NLRP7: variants seen among roughly 807,000 people sequenced by gnomAD.
NLRP7 encodes the protein NACHT, LRR and PYD domains-containing protein 7.
NLRP7 carries 72 observed loss-of-function variants against 85.5 expected under a neutral mutation model. The observed-to-expected ratio is 0.84, with a 90% CI of 0.70 to 1.02. NLRP7 has a LOEUF of 1.02. Among genes scored for constraint, NLRP7 ranks in the 50% least tolerant of loss-of-function variants. The pLI is 0.00. For synonymous variants in NLRP7, 550 were observed against 505.2 expected, an observed-to-expected ratio of 1.09 and a Z score of -1.19; for missense variants, 1,243 against 1,219.5, an observed-to-expected ratio of 1.02 and a Z score of -0.29.
At chr19:54,949,447 T>C (rs1444742093), upstream of NLRP7, among the ~76,000 whole-genome samples, 1 of 151,976 alleles carries the variant, frequency 6.6e-6, no homozygotes, top group Non-Finnish European at 1.5e-5. Flanking sequence ...AAATAAATTA[T>C]ATTCTAGCTG....
chr19:54,955,811 C>T (rs1363086392), intron 1 of NLRP7, among the ~76,000 whole-genome samples: 1 of 151,858 alleles, frequency 6.6e-6, no homozygotes, highest in Non-Finnish European at 1.5e-5. Flanking sequence ...CCTCAACCTC[C>T]TGGGTTCAAG....
chr19:54,943,568 T>C, intron 1 of NLRP7, among the ~76,000 whole-genome samples: 1 of 122,364 alleles, frequency 8.2e-6, no homozygotes, highest in South Asian at 3.0e-4. Flanking sequence ...GCCACCGCAC[T>C]CCAGCCTGGG....
At chr19:54,944,166 G>A (rs963567057) in intron 1 of NLRP7, among the ~76,000 whole-genome samples, 4 of 151,994 alleles carry the variant, frequency 2.6e-5, no homozygotes, top group African/African-American at 9.7e-5. Flanking sequence ...GTGCTGAAGA[G>A]GATTAGTATA....
In NLRP7 at chr19:54,930,475, A is replaced by C. The variant is rs370766115; in HGVS notation, c.2810+24T>G. 4.5e-6 allele frequency: 7 copies of C among 1,548,672 alleles called. No individual in the cohort carries two copies. In the African/African-American group the frequency reaches 5.4e-5, roughly 12 times the overall value. On this transcript the variant is annotated intron_variant, in intron 9 of 9. Coordinates refer to ENST00000340844, the Ensembl canonical transcript of NLRP7. The stretch of plus-strand genomic sequence containing the variant: ...AGACCCTGTCTCAAAAAAAGAAAGA[A>C]AGAAGAAAAAGAAAATCGCCTACCG...
intron 1 of NLRP7, among the ~76,000 whole-genome samples, chr19:54,960,440 G>A (rs2070002660): frequency 6.6e-6 from 1 of 151,636 alleles, no homozygotes; most frequent in African/African-American, 2.4e-5. Context: ...ACAGCCTTAA[G>A]CCACCGCGCT....
intron 1 of NLRP7, among the ~76,000 whole-genome samples, chr19:54,961,692 G>A (rs1366762292): frequency 6.6e-6 from 1 of 150,812 alleles, no homozygotes; most frequent in African/African-American, 2.4e-5. Flanking sequence ...CTGGCATGGT[G>A]GCAGGTGCCT....
chr19:54,935,632 G>C (rs1483410640), intron 6 of NLRP7, among the ~76,000 whole-genome samples: 1 of 151,240 alleles, frequency 6.6e-6, no homozygotes, highest in Non-Finnish European at 1.5e-5. Context: ...GGCGGAGGTT[G>C]CAGTGAACGA....
At chr19:54,937,431 C>A (rs1602157924) in intron 5 of NLRP7, among the ~76,000 whole-genome samples, 1 of 151,856 alleles carries the variant, frequency 6.6e-6, no homozygotes, top group South Asian at 2.1e-4. Context: ...GTGGCTCATG[C>A]CTGTAATCCC....
chr19:54,964,219 T>C (rs1272936331), intron 1 of NLRP7, among the ~76,000 whole-genome samples: 2 of 130,514 alleles, frequency 1.5e-5, no homozygotes, highest in Non-Finnish European at 3.3e-5. Context: ...GTGTTTTTTT[T>C]TTTTTTTTTT....
At chr19:54,950,322 C>G (rs1018166458), upstream of NLRP7, among the ~76,000 whole-genome samples, 4 of 152,096 alleles carry the variant, frequency 2.6e-5, no homozygotes, top group African/African-American at 9.7e-5. Context: ...GTGGGCATTT[C>G]TCGTTAGGTG....
At chr19:54,950,874 G>A (rs1006644990), upstream of NLRP7, among the ~76,000 whole-genome samples, 2 of 152,184 alleles carry the variant, frequency 1.3e-5, no homozygotes, top group Non-Finnish European at 2.9e-5. Context: ...CCCTTCCCAT[G>A]AGACCATATT....
At chr19:54,944,248 G>C (rs188592541) in intron 1 of NLRP7, among the ~76,000 whole-genome samples, 4 of 151,942 alleles carry the variant, frequency 2.6e-5, no homozygotes, top group Admixed American at 6.6e-5. Flanking sequence ...GGAATGTCTC[G>C]GTGTAAAACC....
chr19:54,939,910 G>A, exon 4 of NLRP7: 1 of 1,614,110 alleles, frequency 6.2e-7, no homozygotes, highest in Non-Finnish European at 8.5e-7. Flanking sequence ...TCAGTGCCCT[G>A]GGCCGCGTGG....
chr19:54,947,974 G>A (rs1602210494), upstream of NLRP7: 1 of 235,754 alleles, frequency 4.2e-6, no homozygotes, highest in Non-Finnish European at 8.5e-6. Flanking sequence ...GGTGCCTCCT[G>A]CCTATAAATC....
intron 1 of NLRP7, among the ~76,000 whole-genome samples, chr19:54,956,144 GAGGGAAGGAGGGAAGGAGGGA>G (rs959014240): frequency 2.2e-5 from 3 of 136,856 alleles, no homozygotes; most frequent in African/African-American, 3.6e-5. Context: ...AGGAAGGAAG[GAGGGAAGGAGGGAAGGAGGGA>G]AGGGAAGGAG....
Position 54,934,420 on chromosome 19 carries a change from A to C in NLRP7, c.2471+69T>G. On this transcript the variant is annotated intron_variant, in intron 7 of 9. Coordinates refer to ENST00000340844, the Ensembl canonical transcript of NLRP7. The surrounding 1 kb of genome is among the most constrained non-coding windows in gnomAD (Gnocchi z 6.7). ...CGCCACGTGGGTGGCGCAGTAAGTC[A>C]GGTGTTACCCTTTCTCTTCTATAGC... 1 of 1,516,362 alleles carries C rather than the reference A, an allele frequency of 6.6e-7. No individual in the cohort carries two copies. Among genetic ancestry groups the C allele is most frequent in the Non-Finnish European group, 9.2e-7 (1 of 1,090,828 alleles). 93.9% of individuals were successfully genotyped at this position (1,516,362 alleles called of 1,614,324 possible). A position where few individuals can be genotyped will look rare whatever the true frequency, so the allele number is the denominator to read the frequency against.
chr19:54,963,810 C>T (rs1310632264), intron 1 of NLRP7, among the ~76,000 whole-genome samples: 1 of 150,086 alleles, frequency 6.7e-6, no homozygotes, highest in South Asian at 2.1e-4. Context: ...GGCGACAGTG[C>T]CAGACTCAGT....
Position 54,939,577 on chromosome 19 carries a change from C to T in NLRP7, c.1242G>A (p.Thr414=), listed in dbSNP as rs751935141. ...GGCCCTGCGCGGCCAGGAGGCTCAGCGTCCGCAGCGCGCCCCGCAGCTGTG... is the reference window on the plus strand; with the variant it reads ...GGCCCTGCGCGGCCAGGAGGCTCAGTGTCCGCAGCGCGCCCCGCAGCTGTG... Residue 414 remains threonine, a synonymous_variant, in exon 4 of 10, where the codon ACG becomes ACA. Transcript: ENST00000340844. The T allele has an allele frequency of 1.6e-5, 26 of 1,611,750 alleles. No homozygotes were observed. In the Admixed American group the frequency reaches 4.0e-4, roughly 25 times the overall value.
chr19:54,938,581 C>A (rs919143702), intron 4 of NLRP7, among the ~76,000 whole-genome samples: 22 of 152,110 alleles, frequency 1.4e-4, no homozygotes, highest in African/African-American at 4.8e-4. Context: ...AAATAATTAA[C>A]CGGGCAAGGT....
Sources: gnomAD v4.1 joint callset for allele counts (sites outside exome capture counted in the v4.1 genomes callset) on GRCh38, gnomAD v4.1.1 for gene constraint, Gnocchi (gnomAD v3.1) non-coding constraint, MANE v1.5 for transcripts, NCBI Gene and HGNC (gene_info 2026-07-23, HGNC 2026-07-21) for gene names.